Variants in SEPTIN11 observed in about 807,000 individuals in gnomAD.
The protein encoded by SEPTIN11 is septin-11.
In SEPTIN11, 25 loss-of-function variants were observed where a neutral mutation model predicts 51.4. That is an observed-to-expected ratio of 0.49 (90% CI 0.35 to 0.68). The LOEUF is 0.68. SEPTIN11 is among the 30% of genes least tolerant of loss of function. The pLI is 0.00. For synonymous variants in SEPTIN11, 174 were observed against 184.1 expected (o/e 0.95, Z 0.44); for missense variants, 381 against 520.8 (o/e 0.73, Z 2.61).
chr4:77,019,951 A>T (rs760752704), intron 6 of SEPTIN11, among the ~76,000 whole-genome samples: 14 of 152,254 alleles, frequency 9.2e-5, no homozygotes, highest in Non-Finnish European at 1.8e-4. Flanking sequence ...ATCCCTGGGA[A>T]AAATACAATT....
At position 77,015,099 on chromosome 4, in the gene SEPTIN11, T is replaced by TG. The variant is rs1402671478; in HGVS notation, c.687+84dup. 25 of 1,394,990 alleles carry TG rather than the reference T, an allele frequency of 1.8e-5. 1 individual carries two copies. In the Middle Eastern group the frequency reaches 7.2e-4, roughly 40 times the overall value. 86.4% of individuals were successfully genotyped at this position (1,394,990 alleles called of 1,614,324 possible). ...CAGCATTGTAGAGTGGCTGGAGCAC[T>TG]GGACTGACTAGGAACCTGATGACTT... On this transcript the variant is annotated intron_variant, in intron 5 of 9. Coordinates refer to ENST00000264893, the MANE Select transcript of SEPTIN11 (RefSeq NM_018243.4).
intron 2 of SEPTIN11, among the ~76,000 whole-genome samples, chr4:76,996,834 T>C (rs1279353448): frequency 1.3e-5 from 2 of 152,134 alleles, no homozygotes; most frequent in Non-Finnish European, 2.9e-5. Flanking sequence ...ACATTTTACT[T>C]TGGACTAGGC....
At position 77,005,704 on chromosome 4, in the gene SEPTIN11, C is replaced by T. The variant is rs773967576; in HGVS notation, c.246C>T (p.Ala82=). 8.1e-6 allele frequency: 13 copies of T among 1,614,034 alleles called. No individual in the cohort carries two copies. Among genetic ancestry groups the T allele is most frequent in the Admixed American group, 3.3e-5 (2 of 60,018 alleles). ...THNEPGVRLK[A]RSYELQESNV... ...ATGAACCAGGTGTTCGGTTAAAAGC[C>T]AGAAGTTATGAGCTTCAGGAAAGCA... is the stretch of plus-strand genomic sequence containing the variant. The change falls in exon 3 of 10, where the codon GCC becomes GCT. Residue 82 remains alanine (A), a synonymous_variant. Transcript: ENST00000264893.
intron 4 of SEPTIN11, 86 bp downstream of exon 4, chr4:77,012,007 T>A (rs553926010): frequency 8.1e-7 from 1 of 1,238,322 alleles, no homozygotes; most frequent in Non-Finnish European, 1.1e-6. Flanking sequence ...GCTTTCAGTG[T>A]GATTTTTTTT....
Position 77,035,448 on chromosome 4 carries a change from T to G in SEPTIN11, c.*936T>G. 1 of 985,404 alleles carries G rather than the reference T, an allele frequency of 1.0e-6. No homozygotes were observed. Among genetic ancestry groups the G allele is most frequent in the Non-Finnish European group, 1.2e-6 (1 of 829,900 alleles). 61.0% of individuals were successfully genotyped at this position (985,404 alleles called of 1,614,324 possible). A position where few individuals can be genotyped will look rare whatever the true frequency, so the allele number is the denominator to read the frequency against. ...TTCTAATAACATTTTTCATGAATCA[T>G]GAGAAAATTTCCACAGATACTTCCC... On this transcript the variant is annotated 3_prime_UTR_variant, in exon 10 of 10. Transcript: ENST00000264893.
At chr4:77,030,725 CT>C in intron 8 of SEPTIN11, 57 bp from the exon 9 acceptor site, 1 of 1,499,488 alleles carries the variant, frequency 6.7e-7, no homozygotes, top group Non-Finnish European at 8.9e-7. Flanking sequence ...ATCCAAAGAA[CT>C]TTACATCAAA....
At chr4:76,980,438 C>T (rs1402537439) in intron 1 of SEPTIN11, among the ~76,000 whole-genome samples, 2 of 152,130 alleles carry the variant, frequency 1.3e-5, no homozygotes, top group South Asian at 4.2e-4. Context: ...GAGAAGGAAT[C>T]GTGGGGAATT....
chr4:76,966,331 G>T (rs182798542), intron 1 of SEPTIN11, among the ~76,000 whole-genome samples: 1 of 152,134 alleles, frequency 6.6e-6, no homozygotes. Flanking sequence ...GAAGATATTT[G>T]GTCAAATTAG....
chr4:77,039,528 G>A (rs1255474961), downstream of SEPTIN11: 6 of 985,104 alleles, frequency 6.1e-6, no homozygotes, highest in Non-Finnish European at 4.8e-6. Context: ...TGTCCTTTCT[G>A]TCCCATGAGC....
Position 77,008,651 on chromosome 4 carries a change from C to T in SEPTIN11, c.338+2855C>T, listed in dbSNP as rs1014849113. On this transcript the variant is annotated intron_variant, in intron 3 of 9. Transcript: ENST00000264893. ...ACATTGTCTAAGTATCTTTTTCCAT[C>T]GGTTTTAGGGTTAGCCTCTGTCATT... 7.2e-5 allele frequency among the ~76,000 whole-genome samples: 11 copies of T among 152,014 alleles called. No individual in the cohort carries two copies. The South Asian group carries it at 1.9e-3, about 26-fold the overall frequency.
intron 7 of SEPTIN11, 41 bp from the exon 8 acceptor site, chr4:77,028,588 C>G (rs201233964): frequency 6.5e-7 from 1 of 1,538,078 alleles, no homozygotes; most frequent in South Asian, 1.3e-5. Flanking sequence ...TCTTAGTATA[C>G]AATTTCATGA....
intron 4 of SEPTIN11, among the ~76,000 whole-genome samples, chr4:77,014,319 G>A (rs1725067951): frequency 6.6e-6 from 1 of 152,178 alleles, no homozygotes. Context: ...AGGATGTTGG[G>A]CTGCATAGAA....
chr4:77,014,826 T>G, intron 4 of SEPTIN11, 30 bp from the exon 5 acceptor site: 1 of 1,606,370 alleles, frequency 6.2e-7, no homozygotes, highest in Non-Finnish European at 8.5e-7. Context: ...ATGTTGGAAT[T>G]GTGTAAAAAT....
intron 4 of SEPTIN11, 108 bp from the exon 5 acceptor site, chr4:77,014,748 A>AT (rs1438913698): frequency 2.8e-6 from 3 of 1,074,714 alleles, no homozygotes; most frequent in Non-Finnish European, 4.1e-6. Context: ...AAACATCTTT[A>AT]TTTTTTACAG....
chr4:76,961,484 T>C (rs898992066), intron 1 of SEPTIN11, among the ~76,000 whole-genome samples: 1 of 152,176 alleles, frequency 6.6e-6, no homozygotes, highest in Non-Finnish European at 1.5e-5. Flanking sequence ...CAGCTTGCAG[T>C]GGGGTTATGT....
At chr4:76,977,167 A>T (rs1045144643) in intron 1 of SEPTIN11, among the ~76,000 whole-genome samples, 1 of 152,118 alleles carries the variant, frequency 6.6e-6, no homozygotes, top group Non-Finnish European at 1.5e-5. Flanking sequence ...TGAATTTTTT[A>T]AAGTTTGATT....
rs531183131 is a variant in SEPTIN11 at position 77,036,827 on chromosome 4, C to T, written c.*2315C>T. The T allele has an allele frequency of 2.8e-5, 43 of 1,523,118 alleles. No homozygotes were observed. In the South Asian group the frequency reaches 4.3e-4, roughly 15 times the overall value. 94.4% of individuals were successfully genotyped at this position (1,523,118 alleles called of 1,614,324 possible). On this transcript the variant is annotated 3_prime_UTR_variant, in exon 10 of 10. Transcript: ENST00000264893. ...CCTCAAATCTAATTGGATGTGCTTTCGCCTTTGCATGTAAGTACGGTAGTA... is the reference window on the plus strand; with the variant it reads ...CCTCAAATCTAATTGGATGTGCTTTTGCCTTTGCATGTAAGTACGGTAGTA...
intron 3 of SEPTIN11, 112 bp from the exon 4 acceptor site, chr4:77,011,623 G>A: frequency 1.1e-6 from 1 of 945,870 alleles, no homozygotes; most frequent in Non-Finnish European, 1.6e-6. Context: ...GGATACCTAG[G>A]TAAGGACTTG....
intron 1 of SEPTIN11, among the ~76,000 whole-genome samples, chr4:76,965,382 C>CA (rs1372798135): frequency 6.7e-6 from 1 of 148,862 alleles, no homozygotes; most frequent in Non-Finnish European, 1.5e-5. Context: ...ACCTCGGAGG[C>CA]AGAGGCTGCA....
Sources: gnomAD v4.1 joint callset for allele counts (sites outside exome capture counted in the v4.1 genomes callset) on GRCh38, gnomAD v4.1.1 for gene constraint, MANE v1.5 for transcripts, NCBI Gene and HGNC (gene_info 2026-07-23, HGNC 2026-07-21) for gene names.